The following TEK variants were observed in gnomAD, a reference collection of about 807,000 sequenced individuals.
TEK encodes the protein angiopoietin-1 receptor.
TEK carries 43 observed loss-of-function variants against 131.8 expected under a neutral mutation model. That is an observed-to-expected ratio of 0.33 (90% CI 0.26 to 0.42). TEK has a LOEUF of 0.42. Among genes scored for constraint, TEK ranks in the 10% least tolerant of loss-of-function variants. The pLI is 1.00. For missense variants in TEK, 1,162 were observed against 1,384.4 expected, an observed-to-expected ratio of 0.84 and a Z score of 2.55; for synonymous variants, 580 against 491.6, an observed-to-expected ratio of 1.18 and a Z score of -2.38.
chr9:27,186,305 C>T lies in TEK; in HGVS notation c.1327+676C>T, dbSNP rs181465863. Among the ~76,000 whole-genome samples, 3 of 152,230 alleles carry T rather than the reference C, an allele frequency of 2.0e-5. No individual in the cohort carries two copies. The East Asian group carries it at 5.8e-4, about 29-fold the overall frequency. ...ACTTGGCTGGTGTACGTAGCTACAG[C>T]AAGGAATTTTAAATCCGCAAGTTAC... On this transcript the variant is annotated intron_variant, in intron 9 of 22. Transcript: ENST00000380036.
intron 1 of TEK, among the ~76,000 whole-genome samples, chr9:27,138,216 A>T (rs2027122): frequency 6.6e-6 from 1 of 151,958 alleles, no homozygotes; most frequent in Non-Finnish European, 1.5e-5. Flanking sequence ...AAGATTCCAC[A>T]GTGTGGAAGG....
rs1164319547 is a variant in TEK, at chr9:27,157,977, C to G, written c.199C>G (p.Gln67Glu). 1.2e-6 allele frequency: 2 copies of G among 1,613,924 alleles called. No homozygotes were observed. Among genetic ancestry groups the G allele is most frequent in the South Asian group, 1.1e-5 (1 of 91,054 alleles). Residue 67 changes from glutamine to glutamate, a missense_variant, in exon 2 of 23, where the codon CAG (glutamine) becomes GAG (glutamate). Around this residue, in one of 6 missense-constraint regions of TEK, gnomAD observed 436 missense variants for 539.1 expected, o/e 0.81. Transcript: ENST00000380036. ...AAGGGACTTTGAAGCCTTAATGAAC[C>G]AGCACCAGGATCCGCTGGAAGTTAC... ...IGRDFEALMN[Q>E]HQDPLEVTQD...
chr9:27,113,675 T>G (rs565607125), intron 1 of TEK, among the ~76,000 whole-genome samples: 68 of 152,318 alleles, frequency 4.5e-4, no homozygotes, highest in African/African-American at 1.6e-3. Context: ...TAGTCAAGAC[T>G]GATCTAATCT....
At chr9:27,173,576 C>G (rs111519398) in intron 6 of TEK, among the ~76,000 whole-genome samples, 1 of 152,112 alleles carries the variant, frequency 6.6e-6, no homozygotes, top group African/African-American at 2.4e-5. Context: ...TCATAACTAT[C>G]ATCTGGGGAT....
At chr9:27,176,562 G>T (rs2131157016) in intron 6 of TEK, among the ~76,000 whole-genome samples, 1 of 152,264 alleles carries the variant, frequency 6.6e-6, no homozygotes, top group South Asian at 2.1e-4. Flanking sequence ...AGGTCTAATT[G>T]CTAAATAAAA....
At chr9:27,157,649 G>T (rs532755490) in intron 1 of TEK, among the ~76,000 whole-genome samples, 182 bp from the exon 2 acceptor site, 1 of 152,260 alleles carries the variant, frequency 6.6e-6, no homozygotes, top group East Asian at 1.9e-4. Context: ...GCTGATGAAG[G>T]GTCTTGATGC....
At chr9:27,137,220 AATCT>A (rs1401849973) in intron 1 of TEK, among the ~76,000 whole-genome samples, 6 of 107,082 alleles carry the variant, frequency 5.6e-5, no homozygotes, top group African/African-American at 2.2e-4. Context: ...GCCTGGCCTA[AATCT>A]ATCTTTTGAT....
At chr9:27,129,698 G>T (rs765642739) in intron 1 of TEK, among the ~76,000 whole-genome samples, 23 of 152,250 alleles carry the variant, frequency 1.5e-4, no homozygotes, top group Non-Finnish European at 2.4e-4. Flanking sequence ...GAAGTACAAG[G>T]TCCCAGATCA....
Position 27,157,922 on chromosome 9 carries a change from G to T in TEK, c.144G>T (p.Gly48=). The T allele has an allele frequency of 6.2e-7, 1 of 1,613,996 alleles. No homozygotes were observed. The highest frequency in any genetic ancestry group is 8.5e-7 in the Non-Finnish European group (1 of 1,179,992). Residue 48 remains glycine (G), a synonymous_variant, in exon 2 of 23, where the codon GGG becomes GGT. Transcript: ENST00000380036. ...CATCTCTCACCTGCATTGCCTCTGG[G>T]TGGCGCCCCCATGAGCCCATCACCA... is the stretch of plus-strand genomic sequence containing the variant. ...AETSLTCIAS[G]WRPHEPITIG... is the part of the protein sequence containing the mutation.
chr9:27,172,219 A>G (rs1362433108), intron 4 of TEK, among the ~76,000 whole-genome samples: 6 of 152,194 alleles, frequency 3.9e-5, no homozygotes, highest in African/African-American at 1.4e-4. Context: ...TGAAAACCAC[A>G]GCTCCAGCCT....
At chr9:27,217,647 C>G (rs765475203) in intron 18 of TEK, 41 bp from the exon 19 acceptor site, 27 of 1,594,684 alleles carry the variant, frequency 1.7e-5, no homozygotes, top group Non-Finnish European at 2.3e-5. Flanking sequence ...CTCTTAAAGA[C>G]CCTGTCCCAG....
chr9:27,183,389 AT>A, intron 7 of TEK, 69 bp from the exon 8 acceptor site: 2 of 1,553,512 alleles, frequency 1.3e-6, no homozygotes, highest in African/African-American at 2.7e-5. Context: ...TAAAGTAGCT[AT>A]TTTTATTATT....
At chr9:27,149,602 G>A (rs560142648) in intron 1 of TEK, among the ~76,000 whole-genome samples, 12 of 152,128 alleles carry the variant, frequency 7.9e-5, no homozygotes, top group African/African-American at 1.7e-4. Flanking sequence ...TCCTCCAATC[G>A]TTCTCCGTGA....
At chr9:27,209,486 C>T (rs539269403) in intron 16 of TEK, among the ~76,000 whole-genome samples, 1 of 152,232 alleles carries the variant, frequency 6.6e-6, no homozygotes, top group Admixed American at 6.5e-5. Context: ...ATTCATGGCT[C>T]CTACCTGCCC....
Position 27,169,515 on chromosome 9 carries a change from G to A in TEK, c.514G>A (p.Asp172Asn). 2.5e-6 allele frequency: 4 copies of A among 1,614,122 alleles called. No homozygotes were observed. Among genetic ancestry groups the A allele is most frequent in the Non-Finnish European group, 3.4e-6 (4 of 1,179,982 alleles). Residue 172 changes from aspartate to asparagine, a missense_variant, in exon 4 of 23, where the codon GAT becomes AAT. Around this residue, in one of 6 missense-constraint regions of TEK, gnomAD observed 436 missense variants for 539.1 expected, o/e 0.81. Transcript: ENST00000380036. ...IHSVPRHEVP[D>N]ILEVHLPHAQ... Reference sequence around the variant, plus strand: ...TTCAGTGCCCCGGCATGAAGTACCTGATATTCTAGAAGTACACCTGCCTCA... The same window carrying A: ...TTCAGTGCCCCGGCATGAAGTACCTAATATTCTAGAAGTACACCTGCCTCA...
chr9:27,183,709 C>A, intron 8 of TEK, 99 bp downstream of exon 8: 1 of 1,488,758 alleles, frequency 6.7e-7, no homozygotes, highest in Non-Finnish European at 9.3e-7. Flanking sequence ...CTTTTATCCT[C>A]CTAGGCTAGT....
At chr9:27,135,494 G>C (rs953679988) in intron 1 of TEK, among the ~76,000 whole-genome samples, 2 of 151,978 alleles carry the variant, frequency 1.3e-5, no homozygotes, top group African/African-American at 4.8e-5. Flanking sequence ...TTATCATCAT[G>C]TCTTTGTAAT....
chr9:27,195,213 AATGC>A (rs1214188606), intron 11 of TEK, among the ~76,000 whole-genome samples: 2 of 152,134 alleles, frequency 1.3e-5, no homozygotes, highest in African/African-American at 4.8e-5. Context: ...ATGCCAAGAA[AATGC>A]ATGCCTAGCT....
chr9:27,193,188 G>T (rs1824884795), intron 11 of TEK, among the ~76,000 whole-genome samples: 1 of 152,082 alleles, frequency 6.6e-6, no homozygotes, highest in African/African-American at 2.4e-5. Context: ...CTTCCTATAG[G>T]TAGCCACTTT....
Sources: gnomAD v4.1 joint callset for allele counts (sites outside exome capture counted in the v4.1 genomes callset) on GRCh38, gnomAD v4.1.1 for gene constraint, gnomAD v4.1.1 regional missense constraint, MANE v1.5 for transcripts, NCBI Gene and HGNC (gene_info 2026-07-23, HGNC 2026-07-21) for gene names.